Variants in TG observed in about 807,000 individuals in gnomAD.
TG encodes the protein thyroglobulin, also known as thyroid hormones.
A neutral mutation model predicts 324.7 loss-of-function variants in TG; 270 were observed. The ratio of observed to expected loss-of-function variants is 0.83; its 90% confidence interval spans 0.75 to 0.92. The LOEUF (loss-of-function observed/expected upper bound fraction) is 0.92. TG is among the 40% of genes least tolerant of loss of function. TG has a pLI of 0.00. For synonymous variants in TG, 1,401 were observed against 1,327.0 expected (o/e 1.06, Z -1.21); for missense variants, 3,591 against 3,456.4 (o/e 1.04, Z -0.98).
At chr8:133,132,514 ACTCG>A (rs1312830252) in intron 46 of TG, among the ~76,000 whole-genome samples, 3 of 152,166 alleles carry the variant, frequency 2.0e-5, no homozygotes, top group Middle Eastern at 3.4e-3. Context: ...AATGAAGTAT[ACTCG>A]CTGTCCCCAC....
intron 20 of TG, among the ~76,000 whole-genome samples, chr8:132,914,974 G>GTGTGTA (rs1563949120): frequency 6.6e-6 from 1 of 152,152 alleles, no homozygotes; most frequent in African/African-American, 2.4e-5. Context: ...ATGAGTGTGT[G>GTGTGTA]TGTGTATGTG....
chr8:133,114,726 C>A (rs1002767171), intron 44 of TG, among the ~76,000 whole-genome samples: 4 of 152,160 alleles, frequency 2.6e-5, no homozygotes, highest in African/African-American at 9.7e-5. Flanking sequence ...TTCTGGGAGG[C>A]CCATTTGCTT....
At chr8:133,005,302 G>A (rs772532825) in intron 35 of TG, among the ~76,000 whole-genome samples, 6 of 152,102 alleles carry the variant, frequency 3.9e-5, no homozygotes, top group South Asian at 2.1e-4. Context: ...ACAGTGGGGC[G>A]AGGGGAGGAG....
intron 41 of TG, among the ~76,000 whole-genome samples, chr8:133,045,387 C>CTTT (rs5895172): frequency 2.1e-3 from 136 of 65,908 alleles, no homozygotes; most frequent in African/African-American, 3.7e-3. Context: ...ATCCTCTTTG[C>CTTT]TTTTTTTTTT....
intron 34 of TG, among the ~76,000 whole-genome samples, chr8:132,981,217 G>GT (rs1268835594): frequency 6.6e-6 from 1 of 152,202 alleles, no homozygotes; most frequent in Non-Finnish European, 1.5e-5. Context: ...CTCTGCTGAC[G>GT]TGAGATGCAT....
At chr8:133,052,231 TGAGTGA>T (rs1372335098) in intron 41 of TG, among the ~76,000 whole-genome samples, 1 of 152,178 alleles carries the variant, frequency 6.6e-6, no homozygotes, top group Non-Finnish European at 1.5e-5. Flanking sequence ...GTGAGAAAGA[TGAGTGA>T]GGTTTTGGGC....
chr8:133,133,524 C>G lies in TG; in HGVS notation c.8052C>G (p.Pro2684=). 1.9e-6 allele frequency: 3 copies of G among 1,614,242 alleles called. No homozygotes were observed. Among genetic ancestry groups the G allele is most frequent in the South Asian group, 2.2e-5 (2 of 91,084 alleles). ...GGAAAGTACCCACATTTGCAACCCC[C>G]TGGCCTGACTTTGTACCCCGTGCTG... The part of the protein sequence containing the change: ...FSRKVPTFAT[P]WPDFVPRAGG... The change falls in exon 47 of 48, where the codon CCC becomes CCG. Residue 2684 remains proline, a synonymous_variant. Transcript: ENST00000220616.
chr8:133,014,979 G>A lies in TG; in HGVS notation c.6562+1215G>A, dbSNP rs574696140. 5.9e-5 allele frequency among the ~76,000 whole-genome samples: 9 copies of A among 152,220 alleles called. No individual in the cohort carries two copies. In the East Asian group the frequency reaches 7.7e-4, roughly 13 times the overall value. Reference sequence around the variant, plus strand: ...CGGGTCACTGCAACCTCTGCCCCCCGGGTTCAAGCGATTCTCATGCCTTGC... The same window carrying A: ...CGGGTCACTGCAACCTCTGCCCCCCAGGTTCAAGCGATTCTCATGCCTTGC... On this transcript the variant is annotated intron_variant, in intron 37 of 47. Transcript: ENST00000220616.
At position 133,068,998 on chromosome 8, in the gene TG, A is replaced by T. The variant is rs147698173; in HGVS notation, c.7240-26046A>T. Among the ~76,000 whole-genome samples, 296 of 152,386 alleles carry T rather than the reference A, an allele frequency of 1.9e-3. 1 individual carries two copies. Among genetic ancestry groups the T allele is most frequent in the African/African-American group, 6.9e-3 (285 of 41,598 alleles). On this transcript the variant is annotated intron_variant, in intron 41 of 47. Transcript: ENST00000220616. ...GCTGGCCTAGCAAACATTGGCAATGAAGAAAGAGTGGTAAAGACAATTATT... is the reference window on the plus strand; with the variant it reads ...GCTGGCCTAGCAAACATTGGCAATGTAGAAAGAGTGGTAAAGACAATTATT...
chr8:132,879,146 G>T (rs1363331778), intron 5 of TG, among the ~76,000 whole-genome samples: 1 of 152,222 alleles, frequency 6.6e-6, no homozygotes, highest in Non-Finnish European at 1.5e-5. Context: ...AAAATGCATA[G>T]ATGGTGATAT....
chr8:133,016,800 G>A (rs1303753180), intron 37 of TG, among the ~76,000 whole-genome samples: 2 of 152,198 alleles, frequency 1.3e-5, no homozygotes, highest in East Asian at 3.8e-4. Flanking sequence ...CACTGAGCCT[G>A]GGCCCAACAA....
At chr8:133,096,166 A>G (rs1309046681) in intron 42 of TG, 40 bp from the exon 43 acceptor site, 3 of 1,611,222 alleles carry the variant, frequency 1.9e-6, no homozygotes, top group Non-Finnish European at 2.5e-6. Flanking sequence ...AGTGCAACTG[A>G]TTATTCCAGG....
At chr8:132,926,042 C>A (rs906080117) in intron 22 of TG, among the ~76,000 whole-genome samples, 26 of 152,178 alleles carry the variant, frequency 1.7e-4, no homozygotes, top group African/African-American at 6.3e-4. Flanking sequence ...TCTGGATATG[C>A]CTGGGGATTT....
chr8:133,050,895 C>A (rs751681022), intron 41 of TG: 2 of 1,613,130 alleles, frequency 1.2e-6, no homozygotes, highest in Non-Finnish European at 8.5e-7. Flanking sequence ...CTTAGCACGG[C>A]AAGGAAGTCG....
chr8:132,923,424 G>A lies in TG; in HGVS notation c.4615G>A (p.Gly1539Arg), dbSNP rs919200471. The A allele has an allele frequency of 1.9e-6, 3 of 1,614,036 alleles. No homozygotes were observed. Among genetic ancestry groups the A allele is most frequent in the Non-Finnish European group, 2.5e-6 (3 of 1,180,042 alleles). Residue 1539 changes from glycine (G) to arginine (R), a missense_variant, in exon 22 of 48, where the codon GGG becomes AGG. Gly to Arg is a moderately radical substitution (Grantham distance 125). Coordinates refer to ENST00000220616, the MANE Select transcript of TG (RefSeq NM_003235.5). ...YRASQKDRGS[G>R]KAFCVDGEGR... ...AGCCAGCCAGAAGGACAGGGGCAGT[G>A]GGAAGGCCTTCTGTGTGGACGGCGA... is the stretch of plus-strand genomic sequence containing the variant.
At chr8:133,017,032 C>A (rs747973275) in intron 37 of TG, among the ~76,000 whole-genome samples, 1 of 152,162 alleles carries the variant, frequency 6.6e-6, no homozygotes, top group African/African-American at 2.4e-5. Flanking sequence ...GCAACCTTGG[C>A]GCAGAGAGAG....
chr8:132,903,502 A>G (rs961722898), intron 16 of TG, among the ~76,000 whole-genome samples: 5 of 152,232 alleles, frequency 3.3e-5, no homozygotes, highest in African/African-American at 1.2e-4. Flanking sequence ...GAGAGATTTA[A>G]TATAGACAGT....
rs1442311847 is a variant in TG, at chr8:133,018,110, T to C, written c.6782+113T>C. ...AGTGCATTTTGGATAAAGCAATGTA[T>C]GGAGGATGGAATATATTAGCTAAGA... On this transcript the variant is annotated intron_variant, in intron 38 of 47. Transcript: ENST00000220616. 1.0e-5 allele frequency: 10 copies of C among 1,002,232 alleles called. No homozygotes were observed. In the Middle Eastern group the frequency reaches 1.8e-3, roughly 176 times the overall value. 62.1% of individuals were successfully genotyped at this position (1,002,232 alleles called of 1,614,324 possible). A position where few individuals can be genotyped will look rare whatever the true frequency, so the allele number is the denominator to read the frequency against.
At chr8:132,888,762 G>A (rs1815800625) in intron 10 of TG, among the ~76,000 whole-genome samples, 194 bp downstream of exon 10, 1 of 152,148 alleles carries the variant, frequency 6.6e-6, no homozygotes, top group Non-Finnish European at 1.5e-5. Flanking sequence ...GTCAGGTGTT[G>A]GCAAGATTGA....
Sources: gnomAD v4.1 joint callset for allele counts (sites outside exome capture counted in the v4.1 genomes callset) on GRCh38, gnomAD v4.1.1 for gene constraint, MANE v1.5 for transcripts, NCBI Gene and HGNC (gene_info 2026-07-23, HGNC 2026-07-21) for gene names.